Variants in ACADL observed in about 807,000 individuals in gnomAD.
ACADL encodes acyl-CoA dehydrogenase long chain.
ACADL carries 60 observed loss-of-function variants against 56.9 expected under a neutral mutation model. That is an observed-to-expected ratio of 1.05 (90% confidence interval 0.86 to 1.31). ACADL has a LOEUF of 1.31. Among genes scored for constraint, ACADL ranks in the 50% most tolerant of loss-of-function variants. The pLI is 0.00. For synonymous variants in ACADL, 158 were observed against 179.7 expected (o/e 0.88, Z 0.97); for missense variants, 484 against 525.5 (o/e 0.92, Z 0.77).
At chr2:210,210,616 C>T (rs1688963810) in intron 4 of ACADL, among the ~76,000 whole-genome samples, 1 of 152,100 alleles carries the variant, frequency 6.6e-6, no homozygotes, top group African/African-American at 2.4e-5. Context: ...TGCCTTTAAA[C>T]ACCTTGGTTC....
chr2:210,224,052 C>G (rs1294433143), intron 1 of ACADL, among the ~76,000 whole-genome samples: 1 of 151,498 alleles, frequency 6.6e-6, no homozygotes, highest in Admixed American at 6.6e-5. Context: ...ATGGTGAAAC[C>G]CCCGTCTCTA....
chr2:210,189,422 A>G (rs1291509024), intron 10 of ACADL, among the ~76,000 whole-genome samples: 2 of 152,136 alleles, frequency 1.3e-5, no homozygotes, highest in Non-Finnish European at 2.9e-5. Context: ...TTTATCTTTA[A>G]TGTTTCCTAA....
chr2:210,215,055 C>T (rs549131133), intron 4 of ACADL, among the ~76,000 whole-genome samples: 8 of 152,148 alleles, frequency 5.3e-5, no homozygotes, highest in African/African-American at 9.7e-5. Flanking sequence ...GCCTGACCTC[C>T]GCAAAAACAA....
At chr2:210,203,474 T>G (rs777698546) in intron 7 of ACADL, 30 bp from the exon 8 acceptor site, 8 of 1,372,828 alleles carry the variant, frequency 5.8e-6, no homozygotes, top group Middle Eastern at 1.9e-4. Flanking sequence ...TCTTAAACAT[T>G]ACTCTAATTA....
intron 4 of ACADL, among the ~76,000 whole-genome samples, chr2:210,213,013 G>A (rs1689011269): frequency 6.6e-6 from 1 of 152,154 alleles, no homozygotes; most frequent in Non-Finnish European, 1.5e-5. Flanking sequence ...TTTGGCTTAT[G>A]CTGAATACCT....
chr2:210,225,031 C>T, intron 1 of ACADL, 156 bp downstream of exon 1: 6 of 985,428 alleles, frequency 6.1e-6, no homozygotes, highest in Non-Finnish European at 7.2e-6. Context: ...TCCGCGGGAT[C>T]CAGGAAAGGA....
chr2:210,207,598 A>G (rs1421336242), intron 5 of ACADL, among the ~76,000 whole-genome samples: 8 of 152,192 alleles, frequency 5.3e-5, no homozygotes, highest in Non-Finnish European at 8.8e-5. Context: ...AGGCTGGGTT[A>G]AGCGGTCCTA....
intron 6 of ACADL, 146 bp downstream of exon 6, chr2:210,205,486 A>G: frequency 1.3e-6 from 1 of 751,210 alleles, no homozygotes; most frequent in South Asian, 1.7e-5. Context: ...AATGAGAATA[A>G]ATCTCATTAC....
chr2:210,205,348 T>G (rs188912536), intron 6 of ACADL, among the ~76,000 whole-genome samples: 1 of 152,304 alleles, frequency 6.6e-6, no homozygotes, highest in Admixed American at 6.5e-5. Flanking sequence ...TATTTCATAT[T>G]TTTCTTTAAT....
chr2:210,204,845 T>C (rs1173015800), intron 6 of ACADL, among the ~76,000 whole-genome samples, 163 bp from the exon 7 acceptor site: 1 of 152,202 alleles, frequency 6.6e-6, no homozygotes, highest in Non-Finnish European at 1.5e-5. Flanking sequence ...AAACCAGGGA[T>C]TTGAACCCAC....
intron 4 of ACADL, among the ~76,000 whole-genome samples, chr2:210,211,056 T>C (rs1285264473): frequency 6.6e-6 from 1 of 152,176 alleles, no homozygotes; most frequent in South Asian, 2.1e-4. Flanking sequence ...AAATAAAATA[T>C]TAAGAACACA....
chr2:210,208,567 A>T (rs900078536), intron 5 of ACADL, among the ~76,000 whole-genome samples: 11 of 152,206 alleles, frequency 7.2e-5, no homozygotes, highest in Non-Finnish European at 1.2e-4. Context: ...ATGCTTATAA[A>T]ATAACAGAAA....
At chr2:210,212,865 C>T (rs1371528926) in intron 4 of ACADL, among the ~76,000 whole-genome samples, 2 of 152,126 alleles carry the variant, frequency 1.3e-5, no homozygotes, top group Admixed American at 1.3e-4. Flanking sequence ...ATATAGCAGG[C>T]CTGAGACTGC....
At chr2:210,201,768 A>G (rs1688796805) in intron 8 of ACADL, among the ~76,000 whole-genome samples, 1 of 152,184 alleles carries the variant, frequency 6.6e-6, no homozygotes, top group African/African-American at 2.4e-5. Context: ...CTATTCCTTC[A>G]TTTAAAAAGA....
In ACADL at chr2:210,208,918, G is replaced by T. The variant is rs567198988; in HGVS notation, c.603+1278C>A. Among the ~76,000 whole-genome samples, 3 of 152,238 alleles carry T rather than the reference G, an allele frequency of 2.0e-5. No homozygotes were observed. The South Asian group carries it at 6.2e-4, about 32-fold the overall frequency. On this transcript the variant is annotated intron_variant, in intron 5 of 10. Coordinates refer to ENST00000233710, the MANE Select transcript of ACADL (RefSeq NM_001608.4). ...AAACAGAGTCAGTGGTACTTTTCCT[G>T]TGTGGTTCCCACAAAACCCTATGGC...
At chr2:210,207,331 C>T (rs973017690) in intron 5 of ACADL, among the ~76,000 whole-genome samples, 1 of 152,148 alleles carries the variant, frequency 6.6e-6, no homozygotes, top group African/African-American at 2.4e-5. Context: ...AAATAGAAAA[C>T]TTATCACAAA....
chr2:210,217,988 G>A lies in ACADL; in HGVS notation c.348C>T (p.Ser116=), dbSNP rs202061680. The change falls in exon 3 of 11, where the codon TCC becomes TCT. Residue 116 remains serine, a synonymous_variant. Transcript: ENST00000233710. ...ACTGCTCCTCCCAGACAATAGCTGC[G>A]GAGTACAGATCCCCTCCAATTCCAC... ...HLGGIGGDLY[S]AAIVWEEQAY... 67 of 1,613,880 alleles carry A rather than the reference G, an allele frequency of 4.2e-5. No homozygotes were observed. In the East Asian group the frequency reaches 1.0e-3, roughly 25 times the overall value.
In ACADL at chr2:210,224,480, C is replaced by T; in HGVS notation, c.77+707G>A. On this transcript the variant is annotated intron_variant, in intron 1 of 10. Transcript: ENST00000233710. ...TCTCCATGCTTCCAATTTGTTTACC[C>T]AGTGAATAGATTTTATGCATCAGAC... 4.1e-6 allele frequency: 4 copies of T among 985,332 alleles called. No individual in the cohort carries two copies. The South Asian group carries it at 1.4e-4, about 35-fold the overall frequency. The allele number at this position is 985,332 out of a possible 1,614,324, so 61.0% of individuals were successfully genotyped here. A position where few individuals can be genotyped will look rare whatever the true frequency, so the allele number is the denominator to read the frequency against.
At chr2:210,191,776 T>G (rs1688636404) in intron 10 of ACADL, among the ~76,000 whole-genome samples, 3 of 152,126 alleles carry the variant, frequency 2.0e-5, no homozygotes. Flanking sequence ...CAAACTGAAC[T>G]TTTCTGTATA....
Sources: gnomAD v4.1 joint callset for allele counts (sites outside exome capture counted in the v4.1 genomes callset) on GRCh38, gnomAD v4.1.1 for gene constraint, MANE v1.5 for transcripts, NCBI Gene and HGNC (gene_info 2026-07-23, HGNC 2026-07-21) for gene names.